The following DLX5 variants were observed in gnomAD, a reference collection of about 807,000 sequenced individuals.
The protein encoded by DLX5 is distal-less homeobox 5.
In DLX5, 8 loss-of-function variants were observed where a neutral mutation model predicts 27.1. That is an observed-to-expected ratio of 0.30 (90% CI 0.17 to 0.53). The LOEUF is 0.53. Ranked by LOEUF, DLX5 falls within the 20% of genes least tolerant of loss-of-function variation. The pLI is 0.95. For synonymous variants in DLX5, 178 were observed against 161.9 expected, an observed-to-expected ratio of 1.10 and a Z score of -0.75; for missense variants, 339 against 375.1, an observed-to-expected ratio of 0.90 and a Z score of 0.80.
Position 97,022,220 on chromosome 7 carries a change from C to T in DLX5, c.505G>A (p.Glu169Lys), listed in dbSNP as rs769554704. 3 of 1,614,176 alleles carry T rather than the reference C, an allele frequency of 1.9e-6. No homozygotes were observed. The highest frequency in any genetic ancestry group is 1.7e-6 in the Non-Finnish European group (2 of 1,180,040). Residue 169 changes from glutamate (E) to lysine (K), a missense_variant, in exon 2 of 3, where the codon GAG (glutamate) becomes AAG (lysine). This residue lies in a region of DLX5 where 15 missense variants were observed against 38.7 expected (regional missense o/e 0.39). Transcript: ENST00000648378. The part of the protein sequence containing the change: ...TQYLALPERA[E>K]LAASLGLTQT... ...GTCAATCCCAGCGAGGCGGCCAGCT[C>T]GGCGCGTTCCGGCAAGGCGAGGTAC...
intron 1 of DLX5, 91 bp from the exon 2 acceptor site, chr7:97,022,460 C>T (rs1790089749): frequency 1.9e-6 from 3 of 1,570,602 alleles, no homozygotes; most frequent in Non-Finnish European, 2.6e-6. Context: ...GAGTTTCTTA[C>T]CACTCAGTCT....
In DLX5 at chr7:97,020,602, C is replaced by A. The variant is rs928010283; in HGVS notation, c.*134G>T. 7 of 927,084 alleles carry A rather than the reference C, an allele frequency of 7.6e-6. No individual in the cohort carries two copies. The highest frequency in any genetic ancestry group is 7.0e-5 in the Admixed American group (2 of 28,602). 57.4% of individuals were successfully genotyped at this position (927,084 alleles called of 1,614,324 possible). ...GGGTCTTTTGAAATGCAATAACTTA[C>A]ATGCAAAAAAAAGCTTTACACATGA... is the stretch of plus-strand genomic sequence containing the variant. On this transcript the variant is annotated 3_prime_UTR_variant, in exon 3 of 3. Transcript: ENST00000648378.
chr7:97,022,783 T>C (rs1790098493), intron 1 of DLX5, among the ~76,000 whole-genome samples: 1 of 152,112 alleles, frequency 6.6e-6, no homozygotes, highest in South Asian at 2.1e-4. Context: ...GCCGTGACCC[T>C]ACTTCTGTCG....
chr7:97,022,291 G>C lies in DLX5; in HGVS notation c.434C>G (p.Ser145Cys), dbSNP rs1431242250. The C allele has an allele frequency of 6.2e-7, 1 of 1,614,260 alleles. No homozygotes were observed. Among genetic ancestry groups the C allele is most frequent in the Non-Finnish European group, 8.5e-7 (1 of 1,180,054 alleles). The change falls in exon 2 of 3, where the codon TCC (serine) becomes TGC (cysteine). Residue 145 changes from serine (S) to cysteine (C), a missense_variant. Ser to Cys is a moderately radical substitution (Grantham distance 112). Around this residue, in one of 3 missense-constraint regions of DLX5, gnomAD observed 188 missense variants for 206.1 expected, o/e 0.91. Coordinates refer to ENST00000648378, the MANE Select transcript of DLX5 (RefSeq NM_005221.6). The part of the protein sequence containing the change: ...KKVRKPRTIY[S>C]SFQLAALQRR... ...CTGTAATGCGGCCAGCTGAAAGCTG[G>C]AATAAATAGTCCTGGGTTTACGAAC...
At position 97,020,964 on chromosome 7, in the gene DLX5, C is replaced by A. The variant is rs1193394727; in HGVS notation, c.642G>T (p.Ala214=). The change falls in exon 3 of 3, where the codon GCG becomes GCT. Residue 214 remains alanine, a synonymous_variant. Coordinates refer to ENST00000648378, the MANE Select transcript of DLX5 (RefSeq NM_005221.6). Reference sequence around the variant, plus strand: ...CCGCTGGAGACTGCGGCGAGTTACACGCCATTGGGTCGCTGGAGCTGGGAC... The same window carrying A: ...CCGCTGGAGACTGCGGCGAGTTACAAGCCATTGGGTCGCTGGAGCTGGGAC... ...EHSPSSSDPM[A]CNSPQSPAVW... 1 of 1,613,926 alleles carries A rather than the reference C, an allele frequency of 6.2e-7. No homozygotes were observed.
chr7:97,022,229 C>G lies in DLX5; in HGVS notation c.496G>C (p.Glu166Gln), dbSNP rs376488297. Residue 166 changes from glutamate (E) to glutamine (Q), a missense_variant, in exon 2 of 3, where the codon GAA becomes CAA. Around this residue, in one of 3 missense-constraint regions of DLX5, gnomAD observed 15 missense variants for 38.7 expected, o/e 0.39. Coordinates refer to ENST00000648378, the MANE Select transcript of DLX5 (RefSeq NM_005221.6). ...AGCGAGGCGGCCAGCTCGGCGCGTT[C>G]CGGCAAGGCGAGGTACTGAGTCTTC... ...FQKTQYLALPERAELAASLGL... is the reference protein window; with the variant it reads ...FQKTQYLALPQRAELAASLGL... 1.4e-5 allele frequency: 23 copies of G among 1,614,128 alleles called. No homozygotes were observed. The East Asian group carries it at 4.7e-4, about 33-fold the overall frequency.
chr7:97,021,755 G>A (rs2115908346), intron 2 of DLX5, among the ~76,000 whole-genome samples: 1 of 152,256 alleles, frequency 6.6e-6, no homozygotes, highest in East Asian at 1.9e-4. Context: ...CAGTTTCTCC[G>A]CTCCAGGCGA....
At chr7:97,023,765 C>T (rs1034318839) in intron 1 of DLX5, among the ~76,000 whole-genome samples, 7 of 151,116 alleles carry the variant, frequency 4.6e-5, no homozygotes, top group African/African-American at 1.5e-4. Flanking sequence ...ACTCCTTAAC[C>T]CCCCCACCCC....
chr7:97,020,744 G>A lies in DLX5; in HGVS notation c.862C>T (p.Leu288Phe), dbSNP rs547131001. 1.3e-5 allele frequency: 21 copies of A among 1,587,186 alleles called. 1 individual carries two copies. In the South Asian group the frequency reaches 1.8e-4, roughly 14 times the overall value. The part of the protein sequence containing the change: ...QHPLALASGT[L>F]Y Reference sequence around the variant, plus strand: ...AAGAGAGAGCAGCCCATCTAATAGAGTGTCCCGGAGGCCAGCGCCAGCGGG... The same window carrying A: ...AAGAGAGAGCAGCCCATCTAATAGAATGTCCCGGAGGCCAGCGCCAGCGGG... Residue 288 changes from leucine (L) to phenylalanine (F), a missense_variant, in exon 3 of 3, where the codon CTC (leucine) becomes TTC (phenylalanine). Physicochemically the swap from Leu to Phe is conservative, Grantham distance 22. Transcript: ENST00000648378.
chr7:97,023,783 C>G (rs1790127119), intron 1 of DLX5, among the ~76,000 whole-genome samples: 2 of 148,976 alleles, frequency 1.3e-5, no homozygotes, highest in African/African-American at 2.5e-5. Context: ...CCCCACCCAG[C>G]GTGCTCAGGG....
chr7:97,022,929 G>A (rs1243217258), intron 1 of DLX5, among the ~76,000 whole-genome samples: 2 of 151,650 alleles, frequency 1.3e-5, no homozygotes, highest in East Asian at 3.9e-4. Context: ...CGCAGACAGA[G>A]GGTCGATTAT....
chr7:97,023,243 T>C (rs564458389), intron 1 of DLX5, among the ~76,000 whole-genome samples: 1 of 151,648 alleles, frequency 6.6e-6, no homozygotes, highest in South Asian at 2.1e-4. Context: ...GGGGGAGGGA[T>C]TGCCAAACGC....
chr7:97,021,089 C>G (rs774345618), intron 2 of DLX5, 24 bp from the exon 3 acceptor site: 5 of 1,579,032 alleles, frequency 3.2e-6, no homozygotes, highest in East Asian at 2.3e-5. Context: ...CAAAGGCACA[C>G]GTTACCGGGA....
chr7:97,022,090 T>C (rs1227084353), intron 2 of DLX5, 95 bp downstream of exon 2: 1 of 1,462,494 alleles, frequency 6.8e-7, no homozygotes, highest in Admixed American at 1.7e-5. Flanking sequence ...TCACGGGTAC[T>C]GTCAAAACAG....
At chr7:97,023,450 C>G (rs899111965) in intron 1 of DLX5, among the ~76,000 whole-genome samples, 1 of 151,600 alleles carries the variant, frequency 6.6e-6, no homozygotes, top group African/African-American at 2.4e-5. Flanking sequence ...CTAATATTAG[C>G]AGGATTATTA....
intron 2 of DLX5, among the ~76,000 whole-genome samples, chr7:97,021,821 C>T (rs557455735): frequency 6.6e-6 from 1 of 152,302 alleles, no homozygotes; most frequent in African/African-American, 2.4e-5. Context: ...GCCTTGCTCA[C>T]CCCCGAGGAG....
At position 97,020,977 on chromosome 7, in the gene DLX5, C is replaced by T; in HGVS notation, c.629G>A (p.Ser210Asn). The T allele has an allele frequency of 6.2e-7, 1 of 1,613,880 alleles. No homozygotes were observed. Among genetic ancestry groups the T allele is most frequent in the Non-Finnish European group, 8.5e-7 (1 of 1,180,050 alleles). ...EMPPEHSPSS[S>N]DPMACNSPQS... ...CGGCGAGTTACACGCCATTGGGTCG[C>T]TGGAGCTGGGACTGTGCTCCGGGGG... The change falls in exon 3 of 3, where the codon AGC (serine) becomes AAC (asparagine). Residue 210 changes from serine to asparagine, a missense_variant. Physicochemically the swap from Ser to Asn is conservative, Grantham distance 46. Coordinates refer to ENST00000648378, the MANE Select transcript of DLX5 (RefSeq NM_005221.6).
Position 97,024,644 on chromosome 7 carries a change from GGCTGTCCTTGCTGTTGTGGCGGCGGCA to G in DLX5, c.-48_-22del. 1 of 1,569,268 alleles carries G rather than the reference GGCTGTCCTTGCTGTTGTGGCGGCGGCA, an allele frequency of 6.4e-7. No homozygotes were observed. ...GTCATCGCTCACGGGCGGCGGCAGC[GGCTGTCCTTGCTGTTGTGGCGGCGGCA>G]GCTGCCCTAGTTGGCTGTGGGGCTG... On this transcript the variant is annotated 5_prime_UTR_variant, in exon 1 of 3. Transcript: ENST00000648378. This position sits in a 1 kb window ranked among gnomAD's most constrained non-coding sequence, Gnocchi z 4.6.
At position 97,022,266 on chromosome 7, in the gene DLX5, C is replaced by T; in HGVS notation, c.459G>A (p.Gln153=). The T allele has an allele frequency of 6.2e-7, 1 of 1,614,250 alleles. No homozygotes were observed. ...IYSSFQLAAL[Q]RRFQKTQYLA... is the part of the protein sequence containing the mutation. Reference sequence around the variant, plus strand: ...GGTACTGAGTCTTCTGAAACCTTCTCTGTAATGCGGCCAGCTGAAAGCTGG... The same window carrying T: ...GGTACTGAGTCTTCTGAAACCTTCTTTGTAATGCGGCCAGCTGAAAGCTGG... Residue 153 remains glutamine, a synonymous_variant, in exon 2 of 3, where the codon CAG becomes CAA. Coordinates refer to ENST00000648378, the MANE Select transcript of DLX5 (RefSeq NM_005221.6).
Sources: allele counts gnomAD v4.1 joint callset (sites outside exome capture counted in the v4.1 genomes callset), GRCh38; gene constraint gnomAD v4.1.1; regional missense constraint gnomAD v4.1.1; non-coding constraint Gnocchi (gnomAD v3.1); transcripts MANE v1.5; gene names NCBI Gene and HGNC (gene_info 2026-07-23, HGNC 2026-07-21).